The following MAPDA variants were observed in gnomAD, a reference collection of about 807,000 sequenced individuals.
MAPDA encodes N6,N6-dimethyl-AMP deaminase.
At chr15:43,346,377 T>G in the MAPDA span, among the ~76,000 whole-genome samples, 1 of 152,204 alleles carries the variant, frequency 6.6e-6, no homozygotes, top group Non-Finnish European at 1.5e-5. Flanking sequence ...AATGTCAGAT[T>G]CAAGCAGAAA....
the MAPDA span, among the ~76,000 whole-genome samples, chr15:43,346,257 A>G: frequency 1.4e-4 from 21 of 152,372 alleles, no homozygotes; most frequent in African/African-American, 4.3e-4. Context: ...AACTAGTCCC[A>G]GACTATATGC....
chr15:43,343,119 A>C, the MAPDA span: 1 of 1,366,452 alleles, frequency 7.3e-7, no homozygotes, highest in Non-Finnish European at 1.0e-6. Context: ...CAAAACCAGA[A>C]TGTGAATTTT....
At chr15:43,350,811 C>T in the MAPDA span, 7 of 742,642 alleles carry the variant, frequency 9.4e-6, no homozygotes, top group African/African-American at 1.8e-5. Flanking sequence ...AAGGAAAGGT[C>T]GACTTTGTAA....
chr15:43,354,219 GAAAA>G, the MAPDA span: 1 of 152,154 alleles, frequency 6.6e-6, no homozygotes, highest in Non-Finnish European at 1.5e-5. Flanking sequence ...GAGAGCAGAG[GAAAA>G]AAGTTTGTTT....
the MAPDA span, among the ~76,000 whole-genome samples, chr15:43,338,909 CAGAA>C: frequency 2.0e-5 from 3 of 152,204 alleles, no homozygotes; most frequent in African/African-American, 7.2e-5. Context: ...CCTAGCCACT[CAGAA>C]AGAGGGAGCC....
chr15:43,342,445 T>A, the MAPDA span, among the ~76,000 whole-genome samples: 5 of 147,902 alleles, frequency 3.4e-5, no homozygotes, highest in Admixed American at 3.3e-4. Context: ...AATATCCCTT[T>A]TAAAAAAAAA....
the MAPDA span, chr15:43,330,393 C>A: frequency 1.9e-6 from 3 of 1,583,944 alleles, no homozygotes; most frequent in Non-Finnish European, 2.6e-6. Context: ...GGGTCCTGCA[C>A]GTACCCGCGC....
chr15:43,346,168 C>T, the MAPDA span, among the ~76,000 whole-genome samples: 4 of 152,080 alleles, frequency 2.6e-5, no homozygotes, highest in Non-Finnish European at 4.4e-5. Flanking sequence ...TTCTGTGAAA[C>T]AATTAAGTAC....
At chr15:43,339,021 T>C in the MAPDA span, among the ~76,000 whole-genome samples, 545 of 152,354 alleles carry the variant, frequency 3.6e-3, 3 homozygotes, top group African/African-American at 0.012. Context: ...TCATGTGAGC[T>C]GGGGTAGCTG....
At chr15:43,346,081 A>G in the MAPDA span, 6 of 1,455,880 alleles carry the variant, frequency 4.1e-6, 1 homozygote, top group East Asian at 1.2e-4. Context: ...AGAGTGTCCA[A>G]CAGACACTCC....
chr15:43,350,252 A>G, the MAPDA span, among the ~76,000 whole-genome samples: 4 of 107,720 alleles, frequency 3.7e-5, no homozygotes, highest in African/African-American at 1.1e-4. Context: ...TTTTTTTTGT[A>G]TTTTTTTAGT....
the MAPDA span, chr15:43,351,275 G>A: frequency 4.5e-6 from 2 of 446,040 alleles, no homozygotes; most frequent in East Asian, 8.3e-5. Flanking sequence ...GCAGTGAGCA[G>A]AGATCATGCC....
At chr15:43,333,763 G>A in the MAPDA span, among the ~76,000 whole-genome samples, 6 of 152,166 alleles carry the variant, frequency 3.9e-5, no homozygotes, top group East Asian at 1.9e-4. Flanking sequence ...TATTAAAAGC[G>A]CTTGTCACAT....
At chr15:43,354,017 G>A in the MAPDA span, 1 of 152,204 alleles carries the variant, frequency 6.6e-6, no homozygotes, top group Non-Finnish European at 1.5e-5. Context: ...TTTGAACTTG[G>A]CACTGGAAGT....
the MAPDA span, chr15:43,345,943 G>T: frequency 6.3e-5 from 101 of 1,614,040 alleles, no homozygotes; most frequent in Non-Finnish European, 5.7e-5. Context: ...TCTACTGAGG[G>T]TACAGTTCTT....
the MAPDA span, chr15:43,336,669 C>T: frequency 4.5e-6 from 7 of 1,554,070 alleles, no homozygotes; most frequent in South Asian, 6.3e-5. Context: ...TACTAGTAGC[C>T]CTGAAGATAT....
chr15:43,352,145 G>A, the MAPDA span: 2 of 434,804 alleles, frequency 4.6e-6, no homozygotes, highest in Admixed American at 4.1e-5. Flanking sequence ...CTTACTGGGT[G>A]GGACTTGACT....
chr15:43,347,039 G>T, the MAPDA span: 3 of 1,613,528 alleles, frequency 1.9e-6, no homozygotes, highest in Admixed American at 5.0e-5. Context: ...AAGACTTCTT[G>T]GAACCTCTTT....
the MAPDA span, chr15:43,335,154 C>G: frequency 6.2e-7 from 1 of 1,613,798 alleles, no homozygotes; most frequent in Non-Finnish European, 8.5e-7. Flanking sequence ...GACTTCTATT[C>G]TGAATTGCCA....
Sources: gnomAD v4.1 joint callset for allele counts (sites outside exome capture counted in the v4.1 genomes callset) on GRCh38, gnomAD v4.1.1 for gene constraint, MANE v1.5 for transcripts, NCBI Gene and HGNC (gene_info 2026-07-23, HGNC 2026-07-21) for gene names.